The following RIMS1 variants were observed in gnomAD, a reference collection of about 807,000 sequenced individuals.
The protein encoded by RIMS1 is regulating synaptic membrane exocytosis 1, also known as regulating synaptic membrane exocytosis protein 1.
Under a neutral mutation model 214.1 loss-of-function variants are expected in RIMS1, and 83 were observed. That is an observed-to-expected ratio of 0.39 (90% CI 0.32 to 0.47). RIMS1 has a LOEUF of 0.47. Ranked by LOEUF, RIMS1 falls within the 20% of genes least tolerant of loss-of-function variation. The pLI, the probability that RIMS1 is intolerant of heterozygous loss-of-function variation, is 0.99. For synonymous variants in RIMS1, 793 were observed against 786.8 expected (o/e 1.01, Z -0.13); for missense variants, 2,050 against 2,161.8 (o/e 0.95, Z 1.03).
At chr6:72,249,975 A>G (rs1411027386) in intron 12 of RIMS1, among the ~76,000 whole-genome samples, 1 of 152,126 alleles carries the variant, frequency 6.6e-6, no homozygotes, top group Non-Finnish European at 1.5e-5. Flanking sequence ...TTAGACACAT[A>G]TAATCTTCAA....
chr6:71,969,513 A>T (rs1381768543), intron 2 of RIMS1, among the ~76,000 whole-genome samples: 2 of 152,194 alleles, frequency 1.3e-5, no homozygotes, highest in Non-Finnish European at 2.9e-5. Context: ...GACAATTTTT[A>T]AAAGTTGATT....
intron 28 of RIMS1, among the ~76,000 whole-genome samples, chr6:72,324,832 A>G (rs2096376398): frequency 6.6e-6 from 1 of 151,858 alleles, no homozygotes; most frequent in South Asian, 2.1e-4. Flanking sequence ...CGCCACAACA[A>G]TTGAGTGGTT....
intron 26 of RIMS1, among the ~76,000 whole-genome samples, chr6:72,300,408 C>CA (rs2094497213): frequency 6.6e-6 from 1 of 151,842 alleles, no homozygotes; most frequent in Non-Finnish European, 1.5e-5. Context: ...AAAAGACTTT[C>CA]AAAAATCAAA....
At chr6:71,987,735 A>C (rs1242379759) in intron 2 of RIMS1, among the ~76,000 whole-genome samples, 2 of 152,108 alleles carry the variant, frequency 1.3e-5, no homozygotes, top group Non-Finnish European at 2.9e-5. Flanking sequence ...GACTGGGAGG[A>C]AGGTGGACTT....
At chr6:72,290,009 A>G (rs766168046) in intron 24 of RIMS1, among the ~76,000 whole-genome samples, 1 of 152,190 alleles carries the variant, frequency 6.6e-6, no homozygotes. Flanking sequence ...CAAAATATGG[A>G]CACATACATT....
Position 72,216,871 on chromosome 6 carries a change from A to G in RIMS1, c.1679-16902A>G, listed in dbSNP as rs773359552. The G allele has an allele frequency of 7.6e-6, 8 of 1,059,066 alleles. No individual in the cohort carries two copies. The South Asian group carries it at 2.4e-4, about 32-fold the overall frequency. The allele number at this position is 1,059,066 out of a possible 1,614,324, so 65.6% of individuals were successfully genotyped here. ...TGAGGAGCTAAAAGAGCTTTAGTGT[A>G]TGCTACACTGGGAGCCACTTTAGTA... On this transcript the variant is annotated intron_variant, in intron 6 of 33. Coordinates refer to ENST00000521978, the MANE Select transcript of RIMS1 (RefSeq NM_014989.7).
Position 72,157,235 on chromosome 6 carries a change from A to G in RIMS1, c.472-22340A>G, listed in dbSNP as rs1342297093. On this transcript the variant is annotated intron_variant, in intron 4 of 33. Transcript: ENST00000521978. ...GTGGGGAACAGACTGCATCAAATAT[A>G]TAGAGCATTTGTAGAACAACAAATT... 1.4e-5 allele frequency among the ~76,000 whole-genome samples: 2 copies of G among 140,692 alleles called. 1 individual carries two copies. Among genetic ancestry groups the G allele is most frequent in the Non-Finnish European group, 3.2e-5 (2 of 61,838 alleles). 92.3% of individuals were successfully genotyped at this position (140,692 alleles called of 152,430 possible).
At chr6:72,101,988 A>C (rs1379963329) in intron 4 of RIMS1, among the ~76,000 whole-genome samples, 2 of 151,984 alleles carry the variant, frequency 1.3e-5, no homozygotes, top group Non-Finnish European at 2.9e-5. Flanking sequence ...CATTGGCAAA[A>C]TTATGATTAT....
chr6:72,217,281 GT>G, intron 6 of RIMS1: 1 of 1,470,026 alleles, frequency 6.8e-7, no homozygotes, highest in Non-Finnish European at 9.2e-7. Context: ...TAAATGTAAA[GT>G]TAATGTAATT....
intron 22 of RIMS1, among the ~76,000 whole-genome samples, chr6:72,267,959 A>G (rs1172699889): frequency 6.6e-6 from 1 of 152,222 alleles, no homozygotes; most frequent in African/African-American, 2.4e-5. Context: ...TAAAAACTCA[A>G]TGAAACAAGT....
At chr6:72,198,348 C>G (rs922444536) in intron 6 of RIMS1, among the ~76,000 whole-genome samples, 1 of 151,894 alleles carries the variant, frequency 6.6e-6, no homozygotes, top group African/African-American at 2.4e-5. Context: ...TCATCATCAT[C>G]ATCTGCAGTA....
Position 71,887,123 on chromosome 6 carries a change from A to T in RIMS1, c.100A>T (p.Asn34Tyr), listed in dbSNP as rs764181845. ...GAGCCACCTGACCGAAGAGGAGAGG[A>T]ACATTATCATGGCAGTGATGGACCG... ...DLSHLTEEER[N>Y]IIMAVMDRQK... Residue 34 changes from asparagine (N) to tyrosine (Y), a missense_variant, in exon 1 of 34, where the codon AAC (asparagine) becomes TAC (tyrosine). Physicochemically the swap from Asn to Tyr is moderately radical, Grantham distance 143. Coordinates refer to ENST00000521978, the MANE Select transcript of RIMS1 (RefSeq NM_014989.7). The T allele has an allele frequency of 6.8e-6, 11 of 1,613,488 alleles. No individual in the cohort carries two copies. Among genetic ancestry groups the T allele is most frequent in the Non-Finnish European group, 8.5e-6 (10 of 1,179,672 alleles).
intron 28 of RIMS1, 76 bp from the exon 29 acceptor site, chr6:72,333,524 T>A (rs2096741083): frequency 2.5e-6 from 3 of 1,189,548 alleles, no homozygotes; most frequent in African/African-American, 3.1e-5. Context: ...TATTTCAAAA[T>A]AAATTAGATT....
chr6:72,284,735 A>G (rs1481802635), intron 24 of RIMS1, among the ~76,000 whole-genome samples: 2 of 152,120 alleles, frequency 1.3e-5, no homozygotes, highest in African/African-American at 2.4e-5. Flanking sequence ...CAACTAACAT[A>G]TATTCATTCA....
At chr6:72,239,140 G>C (rs2065588585) in intron 9 of RIMS1, among the ~76,000 whole-genome samples, 2 of 152,132 alleles carry the variant, frequency 1.3e-5, no homozygotes, top group South Asian at 4.1e-4. Flanking sequence ...GCCTCAGAAA[G>C]TCTGAGAATC....
At chr6:72,136,501 AAT>A (rs1263382951) in intron 4 of RIMS1, among the ~76,000 whole-genome samples, 1 of 152,152 alleles carries the variant, frequency 6.6e-6, no homozygotes, top group Non-Finnish European at 1.5e-5. Context: ...TTAATTAAGC[AAT>A]ATATTCACTG....
chr6:72,003,947 C>T (rs1022917992), intron 2 of RIMS1, among the ~76,000 whole-genome samples: 3 of 149,852 alleles, frequency 2.0e-5, no homozygotes, highest in Admixed American at 1.3e-4. Context: ...TATACATGTG[C>T]CATGCTGGTG....
chr6:71,924,755 C>T (rs979560391), intron 1 of RIMS1, among the ~76,000 whole-genome samples: 9 of 134,684 alleles, frequency 6.7e-5, no homozygotes, highest in East Asian at 6.5e-4. Flanking sequence ...TGCAGTGAGC[C>T]GAGATCGTGC....
In RIMS1 at chr6:72,250,358, A is replaced by G; in HGVS notation, c.2270A>G (p.His757Arg). ...AAGTTGTGGTATGATAAAGTGGGAC[A>G]CCAGCTGATTGTAAATGTTCTGCAA... The part of the protein sequence containing the change: ...SVKLWYDKVG[H>R]QLIVNVLQAT... Residue 757 changes from histidine to arginine, a missense_variant, in exon 13 of 34, where the codon CAC becomes CGC. Physicochemically the swap from His to Arg is conservative, Grantham distance 29. Around this residue, in one of 6 missense-constraint regions of RIMS1, gnomAD observed 889 missense variants for 885.5 expected, o/e 1.00. Coordinates refer to ENST00000521978, the MANE Select transcript of RIMS1 (RefSeq NM_014989.7). 6.2e-7 allele frequency: 1 copy of G among 1,609,712 alleles called. No homozygotes were observed. Among genetic ancestry groups the G allele is most frequent in the Non-Finnish European group, 8.5e-7 (1 of 1,177,644 alleles).
Sources: gnomAD v4.1 joint callset for allele counts (sites outside exome capture counted in the v4.1 genomes callset) on GRCh38, gnomAD v4.1.1 for gene constraint, gnomAD v4.1.1 regional missense constraint, MANE v1.5 for transcripts, NCBI Gene and HGNC (gene_info 2026-07-23, HGNC 2026-07-21) for gene names.